PITPNC1: variants seen among roughly 807,000 people sequenced by gnomAD.
PITPNC1 encodes the protein cytoplasmic phosphatidylinositol transfer protein 1.
PITPNC1 carries 18 observed loss-of-function variants against 44.7 expected under a neutral mutation model. The observed-to-expected ratio is 0.40, with a 90% CI of 0.28 to 0.60. The LOEUF is 0.60. Among genes scored for constraint, PITPNC1 ranks in the 20% least tolerant of loss-of-function variants. The pLI is 0.39. For missense variants in PITPNC1, 290 were observed against 418.4 expected (o/e 0.69, Z 2.68); for synonymous variants, 141 against 149.6 (o/e 0.94, Z 0.42).
At chr17:67,543,474 G>A (rs1331748667) in intron 2 of PITPNC1, among the ~76,000 whole-genome samples, 1 of 152,174 alleles carries the variant, frequency 6.6e-6, no homozygotes, top group African/African-American at 2.4e-5. Context: ...AATCACTGAC[G>A]CTTGCTATTG....
chr17:67,529,504 A>G (rs975914118), intron 1 of PITPNC1, among the ~76,000 whole-genome samples: 3 of 152,218 alleles, frequency 2.0e-5, no homozygotes, highest in African/African-American at 4.8e-5. Context: ...AAAGGGAACA[A>G]TCAGTGGCAT....
chr17:67,679,493 C>G (rs2042664610), intron 8 of PITPNC1, among the ~76,000 whole-genome samples: 1 of 152,168 alleles, frequency 6.6e-6, no homozygotes, highest in Non-Finnish European at 1.5e-5. Flanking sequence ...GCATGGGTAG[C>G]TCTAGATGTC....
At chr17:67,571,748 A>G (rs964034927) in intron 4 of PITPNC1, among the ~76,000 whole-genome samples, 3 of 152,204 alleles carry the variant, frequency 2.0e-5, no homozygotes, top group South Asian at 2.1e-4. Flanking sequence ...TCACAACTTC[A>G]AAGCCAACAA....
chr17:67,562,278 G>T (rs1369715388), intron 4 of PITPNC1, among the ~76,000 whole-genome samples: 1 of 152,144 alleles, frequency 6.6e-6, no homozygotes, highest in African/African-American at 2.4e-5. Flanking sequence ...GGCTGGTGAG[G>T]AGCAGCGGAG....
chr17:67,486,027 G>A (rs754861145), intron 1 of PITPNC1, among the ~76,000 whole-genome samples: 4 of 152,118 alleles, frequency 2.6e-5, no homozygotes, highest in East Asian at 1.9e-4. Flanking sequence ...CTCCTTAGAC[G>A]CATTAAATAA....
chr17:67,405,809 G>A (rs1484914370), intron 1 of PITPNC1, among the ~76,000 whole-genome samples: 1 of 152,028 alleles, frequency 6.6e-6, no homozygotes, highest in Non-Finnish European at 1.5e-5. Context: ...GTTTCGCCAT[G>A]TTGCCCAGGC....
intron 1 of PITPNC1, among the ~76,000 whole-genome samples, chr17:67,411,394 G>C (rs2038494217): frequency 6.6e-6 from 1 of 152,140 alleles, no homozygotes; most frequent in Non-Finnish European, 1.5e-5. Flanking sequence ...TAGGTCACCA[G>C]GGATGGCCAG....
At chr17:67,503,475 A>T (rs1234046734) in intron 1 of PITPNC1, among the ~76,000 whole-genome samples, 6 of 152,110 alleles carry the variant, frequency 3.9e-5, no homozygotes, top group African/African-American at 1.4e-4. Flanking sequence ...CCCAGGTACC[A>T]TGTCACACTC....
intron 1 of PITPNC1, among the ~76,000 whole-genome samples, chr17:67,487,121 C>T (rs190954244): frequency 1.3e-5 from 2 of 152,250 alleles, no homozygotes; most frequent in East Asian, 3.9e-4. Context: ...AGTTTGAAGT[C>T]CATTACAGAC....
intron 1 of PITPNC1, among the ~76,000 whole-genome samples, chr17:67,441,986 A>C (rs2039018304): frequency 6.6e-6 from 1 of 151,902 alleles, no homozygotes; most frequent in Admixed American, 6.6e-5. Context: ...GTTGAGTAGA[A>C]TAAACTCTGC....
Position 67,379,264 on chromosome 17 carries a change from C to T in PITPNC1, c.48+1062C>T, listed in dbSNP as rs191560494. On this transcript the variant is annotated intron_variant, in intron 1 of 8. Transcript: ENST00000581322. ...TTTAAATCTGGTGCCTCGAAACTAT[C>T]AGATATGTTTTTGAGCCACTACTTG... The T allele has an allele frequency of 2.8e-4, 275 of 985,580 alleles. No individual in the cohort carries two copies. The African/African-American group carries it at 4.4e-3, about 16-fold the overall frequency. The allele number at this position is 985,580 out of a possible 1,614,324, so 61.1% of individuals were successfully genotyped here.
intron 5 of PITPNC1, among the ~76,000 whole-genome samples, chr17:67,608,900 C>G (rs1221150605): frequency 6.6e-6 from 1 of 152,096 alleles, no homozygotes; most frequent in East Asian, 1.9e-4. Flanking sequence ...ATTGTGTTCT[C>G]ATGATTAGAT....
intron 1 of PITPNC1, among the ~76,000 whole-genome samples, chr17:67,502,165 G>A (rs1285585815): frequency 6.6e-6 from 1 of 152,146 alleles, no homozygotes; most frequent in Non-Finnish European, 1.5e-5. Flanking sequence ...TAAGATGAAA[G>A]TTTGTGTGGT....
At chr17:67,457,381 T>TTG (rs1157354076) in intron 1 of PITPNC1, 1 of 146,694 alleles carries the variant, frequency 6.8e-6, no homozygotes, top group East Asian at 1.9e-4. Flanking sequence ...TTTTTGTTTT[T>TTG]TGTTTTTTGT....
At chr17:67,670,574 CCT>C (rs1486671877) in intron 7 of PITPNC1, among the ~76,000 whole-genome samples, 1 of 151,488 alleles carries the variant, frequency 6.6e-6, no homozygotes, top group Admixed American at 6.6e-5. Flanking sequence ...CTGGTGAAAC[CCT>C]GTCTCTGCTA....
At chr17:67,439,385 G>T (rs1347843761) in intron 1 of PITPNC1, among the ~76,000 whole-genome samples, 1 of 151,692 alleles carries the variant, frequency 6.6e-6, no homozygotes, top group Non-Finnish European at 1.5e-5. Flanking sequence ...CAAAAGGTTA[G>T]GAATAAAAAG....
chr17:67,383,637 C>T (rs111866890), intron 1 of PITPNC1, among the ~76,000 whole-genome samples: 1,851 of 152,332 alleles, frequency 0.012, 18 homozygotes, highest in Non-Finnish European at 0.019. Flanking sequence ...CTGCCACCCT[C>T]GCCACAGAGG....
At chr17:67,564,975 G>A (rs907375200) in intron 4 of PITPNC1, among the ~76,000 whole-genome samples, 8 of 146,568 alleles carry the variant, frequency 5.5e-5, no homozygotes, top group Admixed American at 3.4e-4. Flanking sequence ...GTGTATACTC[G>A]TTTGCCATGT....
chr17:67,585,485 T>C (rs2041301888), intron 5 of PITPNC1, among the ~76,000 whole-genome samples: 1 of 152,044 alleles, frequency 6.6e-6, no homozygotes, highest in Non-Finnish European at 1.5e-5. Flanking sequence ...GGTGTTCAGA[T>C]AAGAAGAGAA....
Sources: gnomAD v4.1 joint callset for allele counts (sites outside exome capture counted in the v4.1 genomes callset) on GRCh38, gnomAD v4.1.1 for gene constraint, MANE v1.5 for transcripts, NCBI Gene and HGNC (gene_info 2026-07-23, HGNC 2026-07-21) for gene names.